Variants in GGTA1 observed in about 807,000 individuals in gnomAD.
GGTA1 encodes the protein glycoprotein alpha-galactosyltransferase 1 (inactive), also known as inactive N-acetyllactosaminide alpha-1,3-galactosyltransferase.
Under a neutral mutation model 2.6 loss-of-function variants are expected in GGTA1, and 5 were observed. The observed-to-expected ratio is 1.92, with a 90% CI of 1.00 to 4.04. The LOEUF (loss-of-function observed/expected upper bound fraction) is 4.04, where lower values mean the gene tolerates loss of function less well. Ranked by LOEUF, GGTA1 falls within the 30% of genes most tolerant of loss-of-function variation. GGTA1 has a pLI of 0.00. For synonymous variants in GGTA1, 17 were observed against 5.0 expected (o/e 3.38, Z -3.19); for missense variants, 50 against 16.7 (o/e 2.99, Z -3.47).
At chr9:121,460,288 A>C (rs1420769861) in intron 4 of GGTA1, 69 bp from the exon 5 acceptor site, 1 of 452,430 alleles carries the variant, frequency 2.2e-6, no homozygotes, top group South Asian at 1.6e-5. Flanking sequence ...GAACTGGTGA[A>C]TATCTTGTGG....
chr9:121,464,775 A>C (rs2064990318), intron 2 of GGTA1, among the ~76,000 whole-genome samples: 1 of 152,166 alleles, frequency 6.6e-6, no homozygotes, highest in Non-Finnish European at 1.5e-5. Flanking sequence ...ATTCTCTAAA[A>C]TTCGAAGATT....
In GGTA1 at chr9:121,476,407, G is replaced by A. The variant is rs1011504028; in HGVS notation, c.-9-8476C>T. 1.3e-5 allele frequency among the ~76,000 whole-genome samples: 2 copies of A among 152,084 alleles called. No individual in the cohort carries two copies. Among genetic ancestry groups the A allele is most frequent in the African/African-American group, 4.8e-5 (2 of 41,394 alleles). ...AACACAGTGCCAGCTTTCTAAACTG[G>A]CGTCACGAGTTTCTCTGGCCTCAGA... On this transcript the variant is annotated intron_variant, in intron 1 of 5. Transcript: ENST00000481799. This position sits in a 1 kb window ranked among gnomAD's most constrained non-coding sequence, Gnocchi z 4.6.
At chr9:121,473,114 G>A (rs1828427487) in intron 1 of GGTA1, among the ~76,000 whole-genome samples, 1 of 152,056 alleles carries the variant, frequency 6.6e-6, no homozygotes, top group Non-Finnish European at 1.5e-5. Flanking sequence ...GAGGTCAGGA[G>A]TTCGAGACCA....
At chr9:121,495,383 T>C (rs1488669966) in intron 1 of GGTA1, among the ~76,000 whole-genome samples, 4 of 151,932 alleles carry the variant, frequency 2.6e-5, no homozygotes, top group African/African-American at 9.7e-5. Context: ...CCATCTCTAC[T>C]AAAAATACAA....
chr9:121,496,891 G>A (rs757867535), intron 1 of GGTA1, among the ~76,000 whole-genome samples: 74 of 151,936 alleles, frequency 4.9e-4, no homozygotes, highest in Admixed American at 4.3e-3. Flanking sequence ...AATCAAACAC[G>A]TAAGATTTGT....
intron 1 of GGTA1, among the ~76,000 whole-genome samples, chr9:121,473,319 CA>C (rs10712323): frequency 0.59 from 56,202 of 95,316 alleles, 14,537 homozygotes; most frequent in South Asian, 0.69. Context: ...GACTCCATCT[CA>C]AAAAAAAAAA....
intron 1 of GGTA1, among the ~76,000 whole-genome samples, chr9:121,495,397 A>G (rs1212880752): frequency 1.3e-5 from 2 of 152,052 alleles, no homozygotes; most frequent in African/African-American, 4.8e-5. Flanking sequence ...AATACAAAAA[A>G]CTAGCTGGGC....
rs2064959095 is a variant in GGTA1 at position 121,461,296 on chromosome 9, G to A, written c.138C>T (p.Ser46=). 4 of 456,212 alleles carry A rather than the reference G, an allele frequency of 8.8e-6. No homozygotes were observed. Among genetic ancestry groups the A allele is most frequent in the Non-Finnish European group, 1.8e-5 (4 of 226,862 alleles). 28.3% of individuals were successfully genotyped at this position (456,212 alleles called of 1,614,324 possible). The part of the protein sequence containing the change: ...YHSKNPEVDD[S]SAQKGWWFLS... Reference sequence around the variant, plus strand: ...GAAACCACCAGCCCTTCTGAGCACTGCTGTCATCAACTTCTGGGTTTCTAA... The same window carrying A: ...GAAACCACCAGCCCTTCTGAGCACTACTGTCATCAACTTCTGGGTTTCTAA... The change falls in exon 4 of 6, where the codon AGC becomes AGT. Residue 46 remains serine (S), a synonymous_variant. Coordinates refer to ENST00000481799, the MANE Select transcript of GGTA1 (RefSeq NM_001382585.1).
chr9:121,460,483 G>A (rs1433675268), intron 4 of GGTA1, among the ~76,000 whole-genome samples: 1 of 152,186 alleles, frequency 6.6e-6, no homozygotes, highest in Non-Finnish European at 1.5e-5. Flanking sequence ...ATTTCAGGGG[G>A]GGTGAGGGAA....
chr9:121,492,732 C>T (rs1006467142), intron 1 of GGTA1, among the ~76,000 whole-genome samples: 11 of 151,996 alleles, frequency 7.2e-5, no homozygotes, highest in African/African-American at 2.7e-4. Flanking sequence ...CCTCGGCCTC[C>T]CAAAGTGCTG....
chr9:121,466,487 T>C (rs2118689726), intron 2 of GGTA1, among the ~76,000 whole-genome samples: 1 of 152,240 alleles, frequency 6.6e-6, no homozygotes, highest in African/African-American at 2.4e-5. Flanking sequence ...TTAAAATGAG[T>C]TGTGCAGAAT....
chr9:121,499,239 T>C (rs1281825163), intron 1 of GGTA1, among the ~76,000 whole-genome samples: 1 of 152,012 alleles, frequency 6.6e-6, no homozygotes, highest in Non-Finnish European at 1.5e-5. Context: ...TATCTTGTCC[T>C]GGGCAAGAGC....
At chr9:121,493,716 C>A (rs1828922862) in intron 1 of GGTA1, among the ~76,000 whole-genome samples, 1 of 151,080 alleles carries the variant, frequency 6.6e-6, no homozygotes, top group Non-Finnish European at 1.5e-5. Flanking sequence ...TCCTGGATAC[C>A]CCATCCTCCT....
At chr9:121,471,246 C>T (rs540978146) in intron 1 of GGTA1, among the ~76,000 whole-genome samples, 1 of 151,790 alleles carries the variant, frequency 6.6e-6, no homozygotes, top group African/African-American at 2.4e-5. Flanking sequence ...TCCCCCTTCT[C>T]TTCTTGGGCT....
intron 1 of GGTA1, among the ~76,000 whole-genome samples, chr9:121,471,497 G>A (rs1171253106): frequency 6.6e-6 from 1 of 152,186 alleles, no homozygotes; most frequent in Non-Finnish European, 1.5e-5. Flanking sequence ...TTTTCAAAGA[G>A]ATTTCTTAGA....
intron 1 of GGTA1, among the ~76,000 whole-genome samples, chr9:121,480,061 C>CTTTTCTTTTCTTTTCT (rs58602847): frequency 7.2e-6 from 1 of 139,828 alleles, no homozygotes; most frequent in Non-Finnish European, 1.5e-5. Context: ...CTTTTCTTTT[C>CTTTTCTTTTCTTTTCT]TTTTTTTTTT....
intron 1 of GGTA1, among the ~76,000 whole-genome samples, chr9:121,481,418 G>T (rs556386651): frequency 8.9e-4 from 136 of 152,208 alleles, no homozygotes; most frequent in African/African-American, 3.2e-3. Context: ...AGGGGGCGGT[G>T]GCTCATGCCT....
At chr9:121,465,984 C>T (rs146337076) in intron 2 of GGTA1, among the ~76,000 whole-genome samples, 2,784 of 152,258 alleles carry the variant, frequency 0.018, 109 homozygotes, top group Admixed American at 0.097. Flanking sequence ...GGCAGGACCA[C>T]AGCTCACTGC....
At chr9:121,480,204 T>C (rs1828612172) in intron 1 of GGTA1, among the ~76,000 whole-genome samples, 1 of 151,902 alleles carries the variant, frequency 6.6e-6, no homozygotes, top group Admixed American at 6.6e-5. Flanking sequence ...TACAGGCACA[T>C]GCCACCACGC....
Sources: gnomAD v4.1 joint callset for allele counts (sites outside exome capture counted in the v4.1 genomes callset) on GRCh38, gnomAD v4.1.1 for gene constraint, Gnocchi (gnomAD v3.1) non-coding constraint, MANE v1.5 for transcripts, NCBI Gene and HGNC (gene_info 2026-07-23, HGNC 2026-07-21) for gene names.